MSI2: variants seen among roughly 807,000 people sequenced by gnomAD.
MSI2 encodes musashi RNA binding protein 2, also known as RNA-binding protein Musashi homolog 2.
Under a neutral mutation model 45.6 loss-of-function variants are expected in MSI2, and 17 were observed. The observed-to-expected ratio is 0.37, with a 90% CI of 0.26 to 0.56. MSI2 has a LOEUF of 0.56. MSI2 is among the 20% of genes least tolerant of loss of function. The pLI is 0.77. For missense variants in MSI2, 293 were observed against 444.2 expected, an observed-to-expected ratio of 0.66 and a Z score of 3.06; for synonymous variants, 156 against 158.2, an observed-to-expected ratio of 0.99 and a Z score of 0.11.
At chr17:57,374,624 A>G (rs1284635781) in intron 5 of MSI2, among the ~76,000 whole-genome samples, 1 of 152,038 alleles carries the variant, frequency 6.6e-6, no homozygotes, top group Non-Finnish European at 1.5e-5. Context: ...TAATGATACA[A>G]AAAATTAGCT....
In MSI2 at chr17:57,627,152, C is replaced by A; in HGVS notation, c.653-77C>A. 1 of 1,285,882 alleles carries A rather than the reference C, an allele frequency of 7.8e-7. No individual in the cohort carries two copies. The highest frequency in any genetic ancestry group is 1.1e-6 in the Non-Finnish European group (1 of 882,312). 79.7% of individuals were successfully genotyped at this position (1,285,882 alleles called of 1,614,324 possible). A position where few individuals can be genotyped will look rare whatever the true frequency, so the allele number is the denominator to read the frequency against. On this transcript the variant is annotated intron_variant, in intron 9 of 13. Coordinates refer to ENST00000284073, the MANE Select transcript of MSI2 (RefSeq NM_138962.4). The surrounding 1 kb of genome is among the most constrained non-coding windows in gnomAD (Gnocchi z 4.6). ...AAAATAACTCAGGCTTTCCTCATTG[C>A]CACCCTCCGTGAGATTTTACCCCAG... is the stretch of plus-strand genomic sequence containing the variant.
At chr17:57,460,721 G>C (rs755078599) in intron 6 of MSI2, among the ~76,000 whole-genome samples, 24 of 152,114 alleles carry the variant, frequency 1.6e-4, no homozygotes, top group Non-Finnish European at 3.2e-4. Flanking sequence ...AGTGGTGCTA[G>C]GAAACTTGTA....
intron 9 of MSI2, among the ~76,000 whole-genome samples, chr17:57,620,224 A>T (rs972663058): frequency 6.6e-6 from 1 of 152,168 alleles, no homozygotes; most frequent in Non-Finnish European, 1.5e-5. Context: ...TAGCCTCTCT[A>T]TTCTTCATTT....
At chr17:57,341,211 C>T (rs1488678472) in intron 5 of MSI2, among the ~76,000 whole-genome samples, 1 of 152,166 alleles carries the variant, frequency 6.6e-6, no homozygotes, top group Non-Finnish European at 1.5e-5. Flanking sequence ...GCTGGCAGCT[C>T]AGTGTGGCCC....
chr17:57,623,690 G>A (rs1025318077), intron 9 of MSI2, among the ~76,000 whole-genome samples: 1 of 152,192 alleles, frequency 6.6e-6, no homozygotes, highest in African/African-American at 2.4e-5. Context: ...GGAGGGGCCA[G>A]GCTGCTAATG....
chr17:57,370,839 A>G (rs1200089804), intron 5 of MSI2, among the ~76,000 whole-genome samples: 1 of 152,220 alleles, frequency 6.6e-6, no homozygotes, highest in Non-Finnish European at 1.5e-5. Context: ...TCAGACATGA[A>G]TGGCCTTATT....
intron 8 of MSI2, chr17:57,601,645 C>T (rs1478891792): frequency 1.3e-5 from 2 of 152,214 alleles, no homozygotes; most frequent in African/African-American, 4.8e-5. Flanking sequence ...CAGCCTAGAG[C>T]TTGAAATGAT....
At chr17:57,273,943 C>T (rs1908631410) in intron 5 of MSI2, among the ~76,000 whole-genome samples, 1 of 152,186 alleles carries the variant, frequency 6.6e-6, no homozygotes, top group Non-Finnish European at 1.5e-5. Context: ...GGGGGAACTG[C>T]TCTGAGAGTT....
intron 6 of MSI2, among the ~76,000 whole-genome samples, chr17:57,482,493 C>T (rs1456125917): frequency 1.3e-5 from 2 of 152,164 alleles, no homozygotes; most frequent in Admixed American, 6.5e-5. Flanking sequence ...AATATATTGC[C>T]ATGGCCAAGT....
intron 6 of MSI2, among the ~76,000 whole-genome samples, chr17:57,439,606 T>A (rs2084759291): frequency 6.6e-6 from 1 of 151,308 alleles, no homozygotes; most frequent in South Asian, 2.1e-4. Context: ...TCGCTCAGGC[T>A]GGAGTGCAGT....
chr17:57,293,309 C>T (rs894013183), intron 5 of MSI2, among the ~76,000 whole-genome samples: 9 of 152,068 alleles, frequency 5.9e-5, no homozygotes, highest in African/African-American at 1.9e-4. Flanking sequence ...TATGAAACCA[C>T]CAAGAGGTAT....
intron 11 of MSI2, among the ~76,000 whole-genome samples, chr17:57,663,980 T>C (rs931048954): frequency 2.0e-5 from 3 of 151,870 alleles, no homozygotes; most frequent in African/African-American, 7.3e-5. Flanking sequence ...CCTTGTTGAT[T>C]ACTCCAGTGA....
chr17:57,640,453 A>G (rs571943630), intron 10 of MSI2, among the ~76,000 whole-genome samples: 1 of 152,252 alleles, frequency 6.6e-6, no homozygotes, highest in Non-Finnish European at 1.5e-5. Context: ...GCTCCGCTAC[A>G]GTTATTACCT....
intron 6 of MSI2, among the ~76,000 whole-genome samples, chr17:57,491,153 G>T (rs760956082): frequency 7.5e-4 from 114 of 152,210 alleles, no homozygotes; most frequent in Non-Finnish European, 1.1e-3. Flanking sequence ...GCTCGCATTG[G>T]TCAGTTTATT....
intron 11 of MSI2, among the ~76,000 whole-genome samples, chr17:57,665,622 G>C (rs769272562): frequency 2.7e-5 from 4 of 150,924 alleles, no homozygotes; most frequent in Admixed American, 6.6e-5. Context: ...CTGCCTGCTA[G>C]AGCCCCAGCA....
intron 6 of MSI2, among the ~76,000 whole-genome samples, chr17:57,503,923 TA>T (rs2143888763): frequency 6.6e-6 from 1 of 152,308 alleles, no homozygotes; most frequent in African/African-American, 2.4e-5. Context: ...TTTTGTATTT[TA>T]AGTAGAGATG....
chr17:57,527,877 C>T (rs933231996), intron 6 of MSI2, among the ~76,000 whole-genome samples: 1 of 152,136 alleles, frequency 6.6e-6, no homozygotes, highest in East Asian at 1.9e-4. Context: ...CATTTTAAAC[C>T]TTGGTTTATT....
intron 5 of MSI2, among the ~76,000 whole-genome samples, chr17:57,351,564 T>A (rs985299506): frequency 9.9e-5 from 15 of 152,202 alleles, no homozygotes; most frequent in African/African-American, 3.6e-4. Context: ...GATTCAAAGT[T>A]TGTGTGTATG....
rs139765800 is a variant in MSI2 at position 57,642,018 on chromosome 17, C to T, written c.728-10081C>T. On this transcript the variant is annotated intron_variant, in intron 10 of 13. Coordinates refer to ENST00000284073, the MANE Select transcript of MSI2 (RefSeq NM_138962.4). The stretch of plus-strand genomic sequence containing the variant: ...ATGTGTCAGCCATTCTTGATGCTAG[C>T]TGTCTGGCCAGCACTGCAGCAAAAT... Among the ~76,000 whole-genome samples the T allele has an allele frequency of 3.4e-3, 518 of 152,364 alleles. 1 individual carries two copies. Among genetic ancestry groups the T allele is most frequent in the Non-Finnish European group, 5.4e-3 (369 of 68,036 alleles).
Sources: gnomAD v4.1 joint callset for allele counts (sites outside exome capture counted in the v4.1 genomes callset) on GRCh38, gnomAD v4.1.1 for gene constraint, Gnocchi (gnomAD v3.1) non-coding constraint, MANE v1.5 for transcripts, NCBI Gene and HGNC (gene_info 2026-07-23, HGNC 2026-07-21) for gene names.